The following ANO4 variants were observed in gnomAD, a reference collection of about 807,000 sequenced individuals.
The protein encoded by ANO4 is anoctamin 4, also known as anoctamin-4.
ANO4 carries 69 observed loss-of-function variants against 141.9 expected under a neutral mutation model. The observed-to-expected ratio is 0.49, with a 90% CI of 0.40 to 0.59. The LOEUF is 0.59. ANO4 is among the 20% of genes least tolerant of loss of function. ANO4 has a pLI of 0.00. For missense variants in ANO4, 894 were observed against 1,162.2 expected, an observed-to-expected ratio of 0.77 and a Z score of 3.36; for synonymous variants, 350 against 394.3, an observed-to-expected ratio of 0.89 and a Z score of 1.33.
chr12:100,724,625 A>G (rs545557419), intron 1 of ANO4, among the ~76,000 whole-genome samples: 1 of 152,320 alleles, frequency 6.6e-6, no homozygotes, highest in East Asian at 1.9e-4. Flanking sequence ...AACACACTTT[A>G]TATCCTCTGA....
intron 13 of ANO4, among the ~76,000 whole-genome samples, chr12:101,045,851 C>T (rs916561830): frequency 6.6e-6 from 1 of 152,188 alleles, no homozygotes; most frequent in African/African-American, 2.4e-5. Flanking sequence ...TGGCTCCAGG[C>T]TTACGTTTTC....
chr12:100,907,745 A>T (rs943240018), intron 2 of ANO4, among the ~76,000 whole-genome samples: 1 of 152,140 alleles, frequency 6.6e-6, no homozygotes. Flanking sequence ...CAGGTGAAAC[A>T]TTTCCTAGTG....
At position 100,919,069 on chromosome 12, in the gene ANO4, TAAAG is replaced by T. The variant is rs1207159044; in HGVS notation, c.56-3149_56-3146del. 4.6e-5 allele frequency among the ~76,000 whole-genome samples: 7 copies of T among 152,270 alleles called. No individual in the cohort carries two copies. The South Asian group carries it at 8.3e-4, about 18-fold the overall frequency. On this transcript the variant is annotated intron_variant, in intron 2 of 27. Coordinates refer to ENST00000392977, the MANE Select transcript of ANO4 (RefSeq NM_001286615.2). ...GAAAAATGCTTATAGAATATGGATATAAAGAAAGAAAATATTTTTATGGAGCTAT... is the reference window on the plus strand; with the variant it reads ...GAAAAATGCTTATAGAATATGGATATAAAGAAAATATTTTTATGGAGCTAT...
chr12:100,975,427 C>CTTTTTT (rs201688045), intron 7 of ANO4, among the ~76,000 whole-genome samples: 1 of 139,814 alleles, frequency 7.2e-6, no homozygotes, highest in African/African-American at 2.6e-5. Context: ...TTCTTTCTTT[C>CTTTTTT]TTTTTTTTTT....
At chr12:100,784,636 A>G (rs1352995221) in intron 3 of ANO4, among the ~76,000 whole-genome samples, 2 of 152,232 alleles carry the variant, frequency 1.3e-5, no homozygotes, top group African/African-American at 4.8e-5. Flanking sequence ...AGCCCTAGAC[A>G]GAAATACAAA....
exon 3 of ANO4, chr12:100,739,937 G>A (rs1216177609): frequency 7.1e-6 from 5 of 702,448 alleles, no homozygotes; most frequent in East Asian, 5.4e-5. Flanking sequence ...CCTCCCATCA[G>A]ATCTGCCTCT....
chr12:101,090,367 G>C (rs1013814194), intron 17 of ANO4, among the ~76,000 whole-genome samples: 1 of 152,210 alleles, frequency 6.6e-6, no homozygotes, highest in Non-Finnish European at 1.5e-5. Context: ...ATCAATGGTA[G>C]ACTGCATTAA....
intron 11 of ANO4, among the ~76,000 whole-genome samples, chr12:101,041,767 A>G (rs1480338397): frequency 6.6e-6 from 1 of 152,214 alleles, no homozygotes. Flanking sequence ...ATTCAGAAAA[A>G]TGGAAAGAAC....
At chr12:100,839,100 T>G (rs1296428536) in intron 1 of ANO4, among the ~76,000 whole-genome samples, 1 of 152,166 alleles carries the variant, frequency 6.6e-6, no homozygotes, top group East Asian at 1.9e-4. Flanking sequence ...CTCCTAAGAA[T>G]TTTATACTGT....
chr12:100,717,752 CG>C (rs938226323), intron 1 of ANO4, among the ~76,000 whole-genome samples: 2 of 152,206 alleles, frequency 1.3e-5, no homozygotes, highest in Non-Finnish European at 2.9e-5. Context: ...CGGGTGTCTG[CG>C]GGAAAAACGC....
chr12:101,081,923 C>T (rs897116096), intron 15 of ANO4, among the ~76,000 whole-genome samples: 1 of 152,076 alleles, frequency 6.6e-6, no homozygotes, highest in Non-Finnish European at 1.5e-5. Context: ...CCCTAATGAC[C>T]TCATTTGAAC....
At chr12:101,009,722 A>T (rs955120832) in intron 8 of ANO4, among the ~76,000 whole-genome samples, 1 of 152,034 alleles carries the variant, frequency 6.6e-6, no homozygotes, top group Non-Finnish European at 1.5e-5. Flanking sequence ...ATATTACTGG[A>T]TGCTCAGTGA....
chr12:100,919,344 G>T (rs1369469582), intron 2 of ANO4, among the ~76,000 whole-genome samples: 1 of 152,094 alleles, frequency 6.6e-6, no homozygotes, highest in Non-Finnish European at 1.5e-5. Flanking sequence ...TTTCATTCCT[G>T]CAAGCTCCAT....
intron 8 of ANO4, among the ~76,000 whole-genome samples, chr12:101,015,245 A>G (rs1367329807): frequency 2.6e-5 from 4 of 152,166 alleles, no homozygotes; most frequent in Admixed American, 6.5e-5. Flanking sequence ...GAGGCAACCA[A>G]TGTTTTCCGA....
chr12:100,813,620 C>T (rs2135712583), intron 1 of ANO4, among the ~76,000 whole-genome samples: 1 of 152,208 alleles, frequency 6.6e-6, no homozygotes, highest in East Asian at 1.9e-4. Flanking sequence ...CCAATATAAA[C>T]ATATGCTACA....
chr12:100,882,060 GATA>G (rs2039598014), intron 1 of ANO4, among the ~76,000 whole-genome samples: 1 of 152,088 alleles, frequency 6.6e-6, no homozygotes, highest in South Asian at 2.1e-4. Flanking sequence ...AAATGTTAAT[GATA>G]ATAATACCAA....
intron 10 of ANO4, 36 bp downstream of exon 10, chr12:101,037,186 A>G (rs1481932909): frequency 1.2e-6 from 2 of 1,600,046 alleles, no homozygotes; most frequent in Non-Finnish European, 1.7e-6. Context: ...CTTTCTTTCA[A>G]TCGTTTGTTA....
chr12:100,975,051 GA>G (rs1242640569), intron 7 of ANO4, among the ~76,000 whole-genome samples, 162 bp downstream of exon 7: 2 of 151,972 alleles, frequency 1.3e-5, no homozygotes, highest in South Asian at 2.1e-4. Context: ...AGCCTGAGGA[GA>G]AAAAAAGATG....
chr12:101,029,948 C>T (rs1360135050), intron 9 of ANO4, among the ~76,000 whole-genome samples: 1 of 139,518 alleles, frequency 7.2e-6, no homozygotes, highest in African/African-American at 2.7e-5. Context: ...AATTTATATG[C>T]ACCCAATACA....
Sources: gnomAD v4.1 joint callset for allele counts (sites outside exome capture counted in the v4.1 genomes callset) on GRCh38, gnomAD v4.1.1 for gene constraint, MANE v1.5 for transcripts, NCBI Gene and HGNC (gene_info 2026-07-23, HGNC 2026-07-21) for gene names.